LHFPL3: variants seen among roughly 807,000 people sequenced by gnomAD.
LHFPL3 encodes the protein LHFPL tetraspan subfamily member 3 protein.
A neutral mutation model predicts 19.3 loss-of-function variants in LHFPL3; 5 were observed. That is an observed-to-expected ratio of 0.26 (90% CI 0.14 to 0.54). The LOEUF (loss-of-function observed/expected upper bound fraction) is 0.54. LHFPL3 is among the 20% of genes least tolerant of loss of function. The pLI, the probability that LHFPL3 is intolerant of heterozygous loss-of-function variation, is 0.94. For synonymous variants in LHFPL3, 133 were observed against 126.2 expected (o/e 1.05, Z -0.36); for missense variants, 249 against 307.4 (o/e 0.81, Z 1.42).
intron 1 of LHFPL3, among the ~76,000 whole-genome samples, chr7:104,670,861 G>GTTTTTTTTTTTTTTTTTT (rs765180265): frequency 6.8e-6 from 1 of 146,448 alleles, no homozygotes. Context: ...AATGTGTTTT[G>GTTTTTTTTTTTTTTTTTT]TTTTGTTTTT....
chr7:104,720,760 CT>C (rs1403698498), intron 1 of LHFPL3, among the ~76,000 whole-genome samples: 4 of 152,250 alleles, frequency 2.6e-5, no homozygotes, highest in African/African-American at 7.2e-5. Context: ...AAGAAGACAT[CT>C]ATGCAGCCAA....
chr7:104,571,357 T>C (rs896029120), intron 1 of LHFPL3, among the ~76,000 whole-genome samples: 4 of 152,168 alleles, frequency 2.6e-5, no homozygotes, highest in Non-Finnish European at 5.9e-5. Flanking sequence ...TTTCCCAATT[T>C]TCAAAGAGCT....
intron 1 of LHFPL3, among the ~76,000 whole-genome samples, chr7:104,727,290 T>C (rs1793610059): frequency 1.3e-5 from 2 of 152,224 alleles, no homozygotes; most frequent in Admixed American, 1.3e-4. Flanking sequence ...CTGTTCACTT[T>C]GATGACAGTT....
intron 1 of LHFPL3, among the ~76,000 whole-genome samples, chr7:104,434,903 A>G (rs1792073599): frequency 1.3e-5 from 2 of 152,142 alleles, no homozygotes; most frequent in Non-Finnish European, 2.9e-5. Flanking sequence ...GATATTAACA[A>G]TATAATTATT....
chr7:104,417,934 G>T (rs1225736560), intron 1 of LHFPL3, among the ~76,000 whole-genome samples: 1 of 143,308 alleles, frequency 7.0e-6, no homozygotes, highest in Non-Finnish European at 1.5e-5. Flanking sequence ...CCAGTCTGGA[G>T]TGTAATGGTG....
chr7:104,703,165 C>T (rs1335283074), intron 1 of LHFPL3, among the ~76,000 whole-genome samples: 1 of 152,098 alleles, frequency 6.6e-6, no homozygotes, highest in Admixed American at 6.5e-5. Context: ...TTTAAAAGCA[C>T]AACTTTCATG....
chr7:104,851,489 GA>G (rs1054318177), intron 2 of LHFPL3, among the ~76,000 whole-genome samples: 14 of 152,150 alleles, frequency 9.2e-5, no homozygotes, highest in Middle Eastern at 3.4e-3. Flanking sequence ...AACTGCTAGG[GA>G]AAAAAATGGC....
chr7:104,622,794 G>A (rs1236974229), intron 1 of LHFPL3, among the ~76,000 whole-genome samples: 1 of 152,170 alleles, frequency 6.6e-6, no homozygotes, highest in South Asian at 2.1e-4. Context: ...TTGTGCAGAC[G>A]TATGTTTTAA....
At chr7:104,725,142 T>C (rs182898292) in intron 1 of LHFPL3, among the ~76,000 whole-genome samples, 12 of 152,360 alleles carry the variant, frequency 7.9e-5, no homozygotes, top group African/African-American at 2.6e-4. Flanking sequence ...GCCATTCTTA[T>C]TCTCCTGTGG....
chr7:104,507,524 T>A (rs182003639), intron 1 of LHFPL3, among the ~76,000 whole-genome samples: 8,366 of 114,512 alleles, frequency 0.073, 366 homozygotes, highest in Non-Finnish European at 0.081. Context: ...AACCTAGGCA[T>A]TACCATTCAG....
In LHFPL3 at chr7:104,736,917, A is replaced by G. The variant is rs1397035488; in HGVS notation, c.682+6A>G. The G allele has an allele frequency of 3.8e-6, 6 of 1,583,570 alleles. No homozygotes were observed. Among genetic ancestry groups the G allele is most frequent in the Non-Finnish European group, 5.2e-6 (6 of 1,163,632 alleles). On this transcript the variant is annotated splice_donor_region_variant and intron_variant, in intron 2 of 2. Coordinates refer to ENST00000424859, the MANE Select transcript of LHFPL3 (RefSeq NM_199000.3). ...ACTGAAGGCAGAAAACAAAGGTAAG[A>G]TTGCTTTAAGGAACTCTTACCTGGA...
At chr7:104,486,299 T>TC (rs1341297038) in intron 1 of LHFPL3, among the ~76,000 whole-genome samples, 2 of 152,260 alleles carry the variant, frequency 1.3e-5, no homozygotes, top group African/African-American at 4.8e-5. Context: ...CTCATTTTAC[T>TC]CATTTGTACT....
intron 1 of LHFPL3, among the ~76,000 whole-genome samples, chr7:104,713,751 G>T (rs910853874): frequency 2.6e-5 from 4 of 152,146 alleles, no homozygotes; most frequent in Non-Finnish European, 2.9e-5. Flanking sequence ...AATTCTATCA[G>T]CATTCCCAGC....
chr7:104,387,493 A>C (rs1353627595), intron 1 of LHFPL3, among the ~76,000 whole-genome samples: 1 of 152,226 alleles, frequency 6.6e-6, no homozygotes, highest in Non-Finnish European at 1.5e-5. Flanking sequence ...AATTTCATTC[A>C]GGATTATCTA....
At chr7:104,729,208 G>A (rs1793644069) in intron 1 of LHFPL3, among the ~76,000 whole-genome samples, 1 of 152,134 alleles carries the variant, frequency 6.6e-6, no homozygotes. Context: ...ATTGCATGTG[G>A]TAAGCATAAT....
Position 104,462,962 on chromosome 7 carries a change from G to A in LHFPL3, c.445+133738G>A, listed in dbSNP as rs1792702086. Among the ~76,000 whole-genome samples, 3 of 152,110 alleles carry A rather than the reference G, an allele frequency of 2.0e-5. No homozygotes were observed. In the South Asian group the frequency reaches 6.2e-4, roughly 32 times the overall value. On this transcript the variant is annotated intron_variant, in intron 1 of 2. Transcript: ENST00000424859. ...GGGAAATTGATTTCTTCCCAGTTCA[G>A]TCTTTGGAGGGTGTGTATGTTTCCA...
At chr7:104,485,280 G>A (rs551286818) in intron 1 of LHFPL3, among the ~76,000 whole-genome samples, 3 of 87,858 alleles carry the variant, frequency 3.4e-5, no homozygotes, top group Non-Finnish European at 7.7e-5. Flanking sequence ...TTTATGGAGT[G>A]TTCTTTAAAA....
chr7:104,817,897 C>T (rs752062633), intron 2 of LHFPL3, among the ~76,000 whole-genome samples: 1 of 152,202 alleles, frequency 6.6e-6, no homozygotes, highest in Non-Finnish European at 1.5e-5. Context: ...AGCACCAGGA[C>T]TTCTGTTGGC....
At chr7:104,518,850 A>AAATAGAAAG (rs1562923378) in intron 1 of LHFPL3, among the ~76,000 whole-genome samples, 28 of 140,084 alleles carry the variant, frequency 2.0e-4, no homozygotes, top group African/African-American at 6.9e-4. Context: ...TAGATAGAAT[A>AAATAGAAAG]AATAAAAAAA....
Sources: gnomAD v4.1 joint callset for allele counts (sites outside exome capture counted in the v4.1 genomes callset) on GRCh38, gnomAD v4.1.1 for gene constraint, MANE v1.5 for transcripts, NCBI Gene and HGNC (gene_info 2026-07-23, HGNC 2026-07-21) for gene names.